KLF6: variants seen among roughly 807,000 people sequenced by gnomAD.
KLF6 encodes Krueppel-like factor 6.
For missense variants in KLF6, 233 were observed against 359.8 expected (o/e 0.65, Z 2.85); for synonymous variants, 152 against 147.9 (o/e 1.03, Z -0.20).
At chr10:3,784,614 C>T (rs1240977453) in intron 1 of KLF6, among the ~76,000 whole-genome samples, 2 of 151,352 alleles carry the variant, frequency 1.3e-5, no homozygotes, top group Non-Finnish European at 3.0e-5. Flanking sequence ...AAAAAAAACA[C>T]CTTGGCAGGC....
chr10:3,784,573 T>TA (rs532631907), intron 1 of KLF6, among the ~76,000 whole-genome samples: 2,010 of 144,258 alleles, frequency 0.014, 21 homozygotes, highest in African/African-American at 0.032. Flanking sequence ...CAAAATCCGT[T>TA]AAAAAAAAAC....
In KLF6 at chr10:3,781,444, C is replaced by G; in HGVS notation, c.676+197G>C. On this transcript the variant is annotated intron_variant, in intron 2 of 3. Transcript: ENST00000497571. The surrounding 1 kb of genome is among the most constrained non-coding windows in gnomAD (Gnocchi z 5.8). Reference sequence around the variant, plus strand: ...ATCTGAAAATTGTTACACATTTATCCAACTCAAAAGTCCAGTCTTTAGGAT... The same window carrying G: ...ATCTGAAAATTGTTACACATTTATCGAACTCAAAAGTCCAGTCTTTAGGAT... 1 of 1,526,264 alleles carries G rather than the reference C, an allele frequency of 6.6e-7. No individual in the cohort carries two copies. The highest frequency in any genetic ancestry group is 1.7e-4 in the Middle Eastern group (1 of 5,836). The allele number at this position is 1,526,264 out of a possible 1,614,324, so 94.5% of individuals were successfully genotyped here.
chr10:3,777,428 A>G lies in KLF6; in HGVS notation c.*2111T>C, dbSNP rs1832414422. 4 of 510,612 alleles carry G rather than the reference A, an allele frequency of 7.8e-6. No individual in the cohort carries two copies. The highest frequency in any genetic ancestry group is 1.5e-5 in the Non-Finnish European group (4 of 261,288). 31.6% of individuals were successfully genotyped at this position (510,612 alleles called of 1,614,324 possible). A position where few individuals can be genotyped will look rare whatever the true frequency, so the allele number is the denominator to read the frequency against. The stretch of plus-strand genomic sequence containing the variant: ...TTACTCTTAGGTTAGATCTTCTAAT[A>G]AGGCTGAAATTCAAAATCAAAACCT... On this transcript the variant is annotated 3_prime_UTR_variant, in exon 4 of 4. Coordinates refer to ENST00000497571, the MANE Select transcript of KLF6 (RefSeq NM_001300.6).
chr10:3,778,420 G>T lies in KLF6; in HGVS notation c.*1119C>A. 1 of 525,754 alleles carries T rather than the reference G, an allele frequency of 1.9e-6. No individual in the cohort carries two copies. Among genetic ancestry groups the T allele is most frequent in the Non-Finnish European group, 3.7e-6 (1 of 270,930 alleles). The allele number at this position is 525,754 out of a possible 1,614,324, so 32.6% of individuals were successfully genotyped here. On this transcript the variant is annotated 3_prime_UTR_variant, in exon 4 of 4. Transcript: ENST00000497571. ...CGTTAGTGGTTTTATCCACCCAACT[G>T]AGAAAAATTTTAGGTTCTTAAGTCT...
intron 3 of KLF6, 64 bp from the exon 4 acceptor site, chr10:3,779,654 C>T: frequency 6.8e-7 from 1 of 1,472,820 alleles, no homozygotes; most frequent in African/African-American, 1.4e-5. Flanking sequence ...TGTTCTGGAC[C>T]AGCGCCCTCA....
chr10:3,778,624 GA>G lies in KLF6; in HGVS notation c.*914del, dbSNP rs891275616. ...AGGGGAGTGTTACAAACTTGGAGGG[GA>G]AAAAAAATTGTATATTGCCAGGCCC... On this transcript the variant is annotated 3_prime_UTR_variant, in exon 4 of 4. Transcript: ENST00000497571. 27 of 510,710 alleles carry G rather than the reference GA, an allele frequency of 5.3e-5. No individual in the cohort carries two copies. The highest frequency in any genetic ancestry group is 3.7e-4 in the East Asian group (9 of 24,272). 31.6% of individuals were successfully genotyped at this position (510,710 alleles called of 1,614,324 possible). A position where few individuals can be genotyped will look rare whatever the true frequency, so the allele number is the denominator to read the frequency against.
In KLF6 at chr10:3,779,416, G is replaced by T. The variant is rs1229143526; in HGVS notation, c.*123C>A. 2.4e-6 allele frequency: 2 copies of T among 830,136 alleles called. No homozygotes were observed. Among genetic ancestry groups the T allele is most frequent in the Non-Finnish European group, 4.1e-6 (2 of 484,286 alleles). 51.4% of individuals were successfully genotyped at this position (830,136 alleles called of 1,614,324 possible). On this transcript the variant is annotated 3_prime_UTR_variant, in exon 4 of 4. Transcript: ENST00000497571. Reference sequence around the variant, plus strand: ...CCCTCAAAAGACCTTCCAAGGAGAGGCCCTGGAGGCAACTGGGTAGGGTGC... The same window carrying T: ...CCCTCAAAAGACCTTCCAAGGAGAGTCCCTGGAGGCAACTGGGTAGGGTGC...
rs1379547614 is a variant in KLF6 at position 3,782,570 on chromosome 10, C to G, written c.103-356G>C. 6.6e-6 allele frequency among the ~76,000 whole-genome samples: 1 copy of G among 152,212 alleles called. No individual in the cohort carries two copies. The highest frequency in any genetic ancestry group is 1.5e-5 in the Non-Finnish European group (1 of 68,044). On this transcript the variant is annotated intron_variant, in intron 1 of 3. Coordinates refer to ENST00000497571, the MANE Select transcript of KLF6 (RefSeq NM_001300.6). The surrounding 1 kb of genome is among the most constrained non-coding windows in gnomAD (Gnocchi z 4.3). ...GAAGAGAACCGGCCCCATACACATA[C>G]TCCTCCCCAACAGGTTCAACCAGAT...
chr10:3,781,880 G>A lies in KLF6; in HGVS notation c.437C>T (p.Ser146Phe). 6.2e-7 allele frequency: 1 copy of A among 1,614,224 alleles called. No homozygotes were observed. Among genetic ancestry groups the A allele is most frequent in the African/African-American group, 1.3e-5 (1 of 75,062 alleles). Residue 146 changes from serine (S) to phenylalanine (F), a missense_variant, in exon 2 of 4, where the codon TCC (serine) becomes TTC (phenylalanine). Ser to Phe is a radical substitution (Grantham distance 155). Coordinates refer to ENST00000497571, the MANE Select transcript of KLF6 (RefSeq NM_001300.6). This position sits in a 1 kb window ranked among gnomAD's most constrained non-coding sequence, Gnocchi z 5.8. ...CAGTTCCGGAGAAGATGGAGGCGTG[G>A]AGGTGACAGAGGAGCTCAATTTTCC... ...SSGKLSSSVT[S>F]TPPSSPELSR...
In KLF6 at chr10:3,781,735, G is replaced by T. The variant is rs374531237; in HGVS notation, c.582C>A (p.Asp194Glu). 1.2e-6 allele frequency: 2 copies of T among 1,614,122 alleles called. No individual in the cohort carries two copies. The highest frequency in any genetic ancestry group is 3.3e-5 in the Admixed American group (2 of 60,012). The change falls in exon 2 of 4, where the codon GAC becomes GAA. Residue 194 changes from aspartate (D) to glutamate (E), a missense_variant. By Grantham distance (45) the Asp-to-Glu change is conservative. Coordinates refer to ENST00000497571, the MANE Select transcript of KLF6 (RefSeq NM_001300.6). This position sits in a 1 kb window ranked among gnomAD's most constrained non-coding sequence, Gnocchi z 5.8. The stretch of plus-strand genomic sequence containing the variant: ...GGCACCGGTGCACCCTCCTCCTGCC[G>T]TCGGGGGAGGCATCGCCATTTCCCT... ...GDKGNGDASP[D>E]GRRRVHRCHF...
rs759409990 is a variant in KLF6, at chr10:3,778,117, G to A, written c.*1422C>T. On this transcript the variant is annotated 3_prime_UTR_variant, in exon 4 of 4. Transcript: ENST00000497571. ...TTGCCTAAAGTGTTGAACAAATACT[G>A]ACATGTAAAGGGAGTTTCACTCTAT... The A allele has an allele frequency of 5.8e-6, 3 of 517,188 alleles. No homozygotes were observed. The highest frequency in any genetic ancestry group is 3.1e-5 in the South Asian group (2 of 65,038). The allele number at this position is 517,188 out of a possible 1,614,324, so 32.0% of individuals were successfully genotyped here. A position where few individuals can be genotyped will look rare whatever the true frequency, so the allele number is the denominator to read the frequency against.
intron 1 of KLF6, among the ~76,000 whole-genome samples, chr10:3,783,706 T>C (rs559063204): frequency 1.3e-5 from 2 of 152,348 alleles, no homozygotes; most frequent in South Asian, 4.1e-4. Context: ...AGCACATTTA[T>C]GGAGATCTTG....
At position 3,779,361 on chromosome 10, in the gene KLF6, G is replaced by T; in HGVS notation, c.*178C>A. The T allele has an allele frequency of 1.4e-6, 1 of 692,564 alleles. No homozygotes were observed. The allele number at this position is 692,564 out of a possible 1,614,324, so 42.9% of individuals were successfully genotyped here. A position where few individuals can be genotyped will look rare whatever the true frequency, so the allele number is the denominator to read the frequency against. On this transcript the variant is annotated 3_prime_UTR_variant, in exon 4 of 4. Transcript: ENST00000497571. ...CACCCACATACCATGCACCACGGGT[G>T]CTATGCCGCTTCTTACAGGACCTTT...
intron 1 of KLF6, among the ~76,000 whole-genome samples, chr10:3,783,440 AT>A (rs771085182): frequency 3.3e-5 from 5 of 152,078 alleles, no homozygotes; most frequent in African/African-American, 4.8e-5. Context: ...TGAGCACGTC[AT>A]TTTTCCGGGC....
rs549819942 is a variant in KLF6, at chr10:3,776,943, T to C, written c.*2596A>G. 74 of 511,018 alleles carry C rather than the reference T, an allele frequency of 1.4e-4. 1 individual carries two copies. Among genetic ancestry groups the C allele is most frequent in the African/African-American group, 1.3e-3 (70 of 52,010 alleles). The allele number at this position is 511,018 out of a possible 1,614,324, so 31.7% of individuals were successfully genotyped here. On this transcript the variant is annotated 3_prime_UTR_variant, in exon 4 of 4. Coordinates refer to ENST00000497571, the MANE Select transcript of KLF6 (RefSeq NM_001300.6). Reference sequence around the variant, plus strand: ...AGTTTTTTTTTTTCCTTTTTTTTTTTTTGTCTTTTGCTTACCTTCTTGCTT... The same window carrying C: ...AGTTTTTTTTTTTCCTTTTTTTTTTCTTGTCTTTTGCTTACCTTCTTGCTT...
rs149030889 is a variant in KLF6 at position 3,779,159 on chromosome 10, T to C, written c.*380A>G. 4 of 545,014 alleles carry C rather than the reference T, an allele frequency of 7.3e-6. No homozygotes were observed. In the East Asian group the frequency reaches 1.5e-4, roughly 21 times the overall value. The allele number at this position is 545,014 out of a possible 1,614,324, so 33.8% of individuals were successfully genotyped here. A position where few individuals can be genotyped will look rare whatever the true frequency, so the allele number is the denominator to read the frequency against. On this transcript the variant is annotated 3_prime_UTR_variant, in exon 4 of 4. Transcript: ENST00000497571. ...TACACACAAAACATTCAAACTACTT[T>C]TTTTCCATCTCTTGCAGTCTTGCTA... is the stretch of plus-strand genomic sequence containing the variant.
chr10:3,783,514 C>T (rs914580197), intron 1 of KLF6, among the ~76,000 whole-genome samples: 1 of 152,106 alleles, frequency 6.6e-6, no homozygotes, highest in Admixed American at 6.5e-5. Context: ...GTGCCTCTCT[C>T]CTGCCACAGG....
chr10:3,781,777 C>G lies in KLF6; in HGVS notation c.540G>C (p.Ser180=), dbSNP rs565366896. 8 of 1,614,132 alleles carry G rather than the reference C, an allele frequency of 5.0e-6. No individual in the cohort carries two copies. The Admixed American group carries it at 1.0e-4, about 20-fold the overall frequency. The change falls in exon 2 of 4, where the codon TCG becomes TCC. Residue 180 remains serine, a synonymous_variant. Transcript: ENST00000497571. This position sits in a 1 kb window ranked among gnomAD's most constrained non-coding sequence, Gnocchi z 5.8. Reference sequence around the variant, plus strand: ...CATTTCCCTTGTCACCTGGCTTCCCCGAAGTCCCGCTGCGCACCTTCCCTG... The same window carrying G: ...CATTTCCCTTGTCACCTGGCTTCCCGGAAGTCCCGCTGCGCACCTTCCCTG... The part of the protein sequence containing the change: ...PSPGKVRSGT[S]GKPGDKGNGD...
Position 3,777,611 on chromosome 10 carries a change from A to C in KLF6, c.*1928T>G, listed in dbSNP as rs1188786142. ...TCCTCCGCACATCGTTAAATTAAAGATAAAGCCTCTATAAAAGTTAGGTTA... is the reference window on the plus strand; with the variant it reads ...TCCTCCGCACATCGTTAAATTAAAGCTAAAGCCTCTATAAAAGTTAGGTTA... On this transcript the variant is annotated 3_prime_UTR_variant, in exon 4 of 4. Coordinates refer to ENST00000497571, the MANE Select transcript of KLF6 (RefSeq NM_001300.6). 1 of 506,150 alleles carries C rather than the reference A, an allele frequency of 2.0e-6. No individual in the cohort carries two copies. The highest frequency in any genetic ancestry group is 4.4e-5 in the East Asian group (1 of 22,550). The allele number at this position is 506,150 out of a possible 1,614,324, so 31.4% of individuals were successfully genotyped here.
Sources: allele counts gnomAD v4.1 joint callset (sites outside exome capture counted in the v4.1 genomes callset), GRCh38; gene constraint gnomAD v4.1.1; non-coding constraint Gnocchi (gnomAD v3.1); transcripts MANE v1.5; gene names NCBI Gene and HGNC (gene_info 2026-07-23, HGNC 2026-07-21).